BCAS3: variants seen among roughly 807,000 people sequenced by gnomAD.
The protein encoded by BCAS3 is BCAS4/BCAS3 fusion.
Under a neutral mutation model 116.1 loss-of-function variants are expected in BCAS3, and 53 were observed. The observed-to-expected ratio is 0.46, with a 90% CI of 0.37 to 0.57. The LOEUF is 0.57. BCAS3 is among the 20% of genes least tolerant of loss of function. BCAS3 has a pLI of 0.00. For synonymous variants in BCAS3, 391 were observed against 408.2 expected, an observed-to-expected ratio of 0.96 and a Z score of 0.51; for missense variants, 917 against 1,165.4, an observed-to-expected ratio of 0.79 and a Z score of 3.10.
intron 14 of BCAS3, among the ~76,000 whole-genome samples, chr17:60,951,829 G>A (rs2060854383): frequency 7.0e-6 from 1 of 143,132 alleles, no homozygotes; most frequent in Admixed American, 7.1e-5. Flanking sequence ...GAGTGCAATG[G>A]CACAATCGCG....
At chr17:61,137,059 T>G (rs973067970) in intron 22 of BCAS3, among the ~76,000 whole-genome samples, 6 of 152,356 alleles carry the variant, frequency 3.9e-5, no homozygotes, top group Non-Finnish European at 8.8e-5. Flanking sequence ...GTGGCATTAT[T>G]ATGAGGTGGT....
In BCAS3 at chr17:61,013,264, TAC is replaced by T. The variant is rs1010033386; in HGVS notation, c.1487-2485_1487-2484del. ...CATGATAACAAGGAAAACAGTCCCT[TAC>T]AGTGTTATCTTAAGCTAAGGCACTC... On this transcript the variant is annotated intron_variant, in intron 15 of 23. Coordinates refer to ENST00000407086, the MANE Select transcript of BCAS3 (RefSeq NM_017679.5). The surrounding 1 kb of genome is among the most constrained non-coding windows in gnomAD (Gnocchi z 4.4). 3.3e-5 allele frequency among the ~76,000 whole-genome samples: 5 copies of T among 152,106 alleles called. No homozygotes were observed. The highest frequency in any genetic ancestry group is 1.2e-4 in the African/African-American group (5 of 41,442).
At chr17:60,901,989 G>C (rs2057927313) in intron 10 of BCAS3, among the ~76,000 whole-genome samples, 1 of 152,196 alleles carries the variant, frequency 6.6e-6, no homozygotes, top group Non-Finnish European at 1.5e-5. Context: ...TATCAAAGTA[G>C]TGATTCATTT....
chr17:60,902,427 G>T (rs983514801), intron 10 of BCAS3, among the ~76,000 whole-genome samples, 193 bp from the exon 11 acceptor site: 13 of 152,146 alleles, frequency 8.5e-5, no homozygotes, highest in Admixed American at 7.9e-4. Flanking sequence ...TGCCTGAGTG[G>T]CACCAGTAGA....
intron 22 of BCAS3, among the ~76,000 whole-genome samples, chr17:61,089,563 TGTGTCACCCAGGCTGGA>T (rs1188289422): frequency 6.6e-4 from 84 of 127,494 alleles, no homozygotes; most frequent in Non-Finnish European, 1.2e-3. Flanking sequence ...GGAGTCTCGC[TGTGTCACCCAGGCTGGA>T]GTGCAATGGC....
At position 60,878,941 on chromosome 17, in the gene BCAS3, T is replaced by C. The variant is rs1401522264; in HGVS notation, c.661+4203T>C. 5.3e-5 allele frequency among the ~76,000 whole-genome samples: 8 copies of C among 152,314 alleles called. No individual in the cohort carries two copies. The East Asian group carries it at 1.4e-3, about 26-fold the overall frequency. ...GGAACAAAGGGTGCCACTTCATAAG[T>C]AGAAAGAATCTTATTTTCCTCCAGT... On this transcript the variant is annotated intron_variant, in intron 9 of 23. Transcript: ENST00000407086.
Position 60,893,642 on chromosome 17 carries a change from T to G in BCAS3, c.738+3871T>G, listed in dbSNP as rs142785145. On this transcript the variant is annotated intron_variant, in intron 10 of 23. Coordinates refer to ENST00000407086, the MANE Select transcript of BCAS3 (RefSeq NM_017679.5). ...TTTTTTTTGCACGACAGAGTGTAGCTCTGTTGCCAAGGGTGGAGTGCAGTG... is the reference window on the plus strand; with the variant it reads ...TTTTTTTTGCACGACAGAGTGTAGCGCTGTTGCCAAGGGTGGAGTGCAGTG... Among the ~76,000 whole-genome samples, 3 of 136,828 alleles carry G rather than the reference T, an allele frequency of 2.2e-5. No homozygotes were observed. In the East Asian group the frequency reaches 6.4e-4, roughly 29 times the overall value. The allele number at this position is 136,828 out of a possible 152,430, so 89.8% of individuals were successfully genotyped here. A position where few individuals can be genotyped will look rare whatever the true frequency, so the allele number is the denominator to read the frequency against.
chr17:60,967,949 T>TTTGTTGTTGTTGTTG lies in BCAS3; in HGVS notation c.1221+20612_1221+20626dup, dbSNP rs58004084. ...AATTTCTGAATTGCTTTTCTGTGTG[T>TTTGTTGTTGTTGTTG]TTGTTGTTGTTGTTGTTGTTGTTGT... On this transcript the variant is annotated intron_variant, in intron 14 of 23. Coordinates refer to ENST00000407086, the MANE Select transcript of BCAS3 (RefSeq NM_017679.5). This position sits in a 1 kb window ranked among gnomAD's most constrained non-coding sequence, Gnocchi z 4.7. Among the ~76,000 whole-genome samples the TTTGTTGTTGTTGTTG allele has an allele frequency of 5.8e-3, 884 of 151,368 alleles. 8 individuals are homozygous for TTTGTTGTTGTTGTTG. The highest frequency in any genetic ancestry group is 0.02 in the African/African-American group (834 of 41,038).
At chr17:61,194,118 G>GA (rs1362573501) in intron 22 of BCAS3, among the ~76,000 whole-genome samples, 1 of 151,926 alleles carries the variant, frequency 6.6e-6, no homozygotes, top group African/African-American at 2.4e-5. Flanking sequence ...CCCTGTCTCA[G>GA]AAAAAGAAAA....
Position 61,258,066 on chromosome 17 carries a change from CAG to C in BCAS3, c.2426-110260_2426-110259del, listed in dbSNP as rs1228006670. ...TTCCTCTGAAGAGCCCTGCTCTTCT[CAG>C]TGTCCTTCATACACTCCTGGTTAAC... is the stretch of plus-strand genomic sequence containing the variant. On this transcript the variant is annotated intron_variant, in intron 22 of 23. Transcript: ENST00000407086. The surrounding 1 kb of genome is among the most constrained non-coding windows in gnomAD (Gnocchi z 4.7). Among the ~76,000 whole-genome samples, 4 of 152,200 alleles carry C rather than the reference CAG, an allele frequency of 2.6e-5. No individual in the cohort carries two copies. The highest frequency in any genetic ancestry group is 5.9e-5 in the Non-Finnish European group (4 of 68,042).
At chr17:60,717,592 A>G (rs2038779172) in intron 5 of BCAS3, among the ~76,000 whole-genome samples, 2 of 152,168 alleles carry the variant, frequency 1.3e-5, no homozygotes, top group African/African-American at 4.8e-5. Flanking sequence ...AGAATAAGAG[A>G]TTATGTCCAA....
At chr17:61,268,528 C>T (rs1314246138) in intron 22 of BCAS3, among the ~76,000 whole-genome samples, 2 of 152,086 alleles carry the variant, frequency 1.3e-5, no homozygotes, top group African/African-American at 4.8e-5. Flanking sequence ...AACTGAAACT[C>T]TATACCCATT....
rs1487256117 is a variant in BCAS3 at position 61,285,433 on chromosome 17, C to G, written c.2426-82894C>G. ...GGTGTCAGTTACACTTTACCTGGCC[C>G]TAAAGTGAAAAGCTCTACATGCTTG... On this transcript the variant is annotated intron_variant, in intron 22 of 23. Transcript: ENST00000407086. The surrounding 1 kb of genome is among the most constrained non-coding windows in gnomAD (Gnocchi z 5.4). 1.3e-5 allele frequency among the ~76,000 whole-genome samples: 2 copies of G among 152,092 alleles called. No individual in the cohort carries two copies. The highest frequency in any genetic ancestry group is 2.1e-4 in the South Asian group (1 of 4,828).
chr17:60,980,961 G>A (rs1345584612), intron 14 of BCAS3, among the ~76,000 whole-genome samples: 1 of 152,004 alleles, frequency 6.6e-6, no homozygotes, highest in Non-Finnish European at 1.5e-5. Context: ...AGCCTCTTAA[G>A]TAGCTGGAAC....
rs1209299542 is a variant in BCAS3 at position 61,347,204 on chromosome 17, C to T, written c.2426-21123C>T. On this transcript the variant is annotated intron_variant, in intron 22 of 23. Transcript: ENST00000407086. This position sits in a 1 kb window ranked among gnomAD's most constrained non-coding sequence, Gnocchi z 4.3. ...ATTCTCCTGCCTCCCGCCTCAGCCTCCCGAGTAGCTGGGATTACAGGCATG... is the reference window on the plus strand; with the variant it reads ...ATTCTCCTGCCTCCCGCCTCAGCCTTCCGAGTAGCTGGGATTACAGGCATG... 2.0e-5 allele frequency among the ~76,000 whole-genome samples: 3 copies of T among 152,188 alleles called. No homozygotes were observed. The highest frequency in any genetic ancestry group is 7.2e-5 in the African/African-American group (3 of 41,446).
chr17:60,810,672 G>C, intron 7 of BCAS3: 1 of 668,000 alleles, frequency 1.5e-6, no homozygotes, highest in South Asian at 1.4e-5. Context: ...TCAAGTATGA[G>C]ACAGAGCTGG....
chr17:61,026,534 C>T lies in BCAS3; in HGVS notation c.1638-8132C>T, dbSNP rs967638586. 1.3e-5 allele frequency among the ~76,000 whole-genome samples: 2 copies of T among 152,022 alleles called. No individual in the cohort carries two copies. Among genetic ancestry groups the T allele is most frequent in the African/African-American group, 4.8e-5 (2 of 41,436 alleles). On this transcript the variant is annotated intron_variant, in intron 16 of 23. Coordinates refer to ENST00000407086, the MANE Select transcript of BCAS3 (RefSeq NM_017679.5). This position sits in a 1 kb window ranked among gnomAD's most constrained non-coding sequence, Gnocchi z 5.0. ...TGCTATTGATCTCACTCTTCTCCAT[C>T]TGGTTATTCCATTTAACTTATACCT...
chr17:60,909,662 G>T (rs1363584047), intron 11 of BCAS3, among the ~76,000 whole-genome samples: 1 of 151,820 alleles, frequency 6.6e-6, no homozygotes, highest in East Asian at 1.9e-4. Flanking sequence ...TTCTTTTTCT[G>T]TAGACTCAGA....
At chr17:60,773,977 A>C (rs569156392) in intron 6 of BCAS3, among the ~76,000 whole-genome samples, 1 of 152,148 alleles carries the variant, frequency 6.6e-6, no homozygotes, top group Non-Finnish European at 1.5e-5. Flanking sequence ...TGTTTTAGAT[A>C]ATAGTCCTTT....
Sources: allele counts gnomAD v4.1 joint callset (sites outside exome capture counted in the v4.1 genomes callset), GRCh38; gene constraint gnomAD v4.1.1; non-coding constraint Gnocchi (gnomAD v3.1); transcripts MANE v1.5; gene names NCBI Gene and HGNC (gene_info 2026-07-23, HGNC 2026-07-21).